Variants in PCDHA7 observed in about 807,000 individuals in gnomAD.
PCDHA7 encodes protocadherin alpha 7.
PCDHA7 carries 37 observed loss-of-function variants against 57.2 expected under a neutral mutation model. The observed-to-expected ratio is 0.65, with a 90% CI of 0.50 to 0.85. PCDHA7 has a LOEUF of 0.85. PCDHA7 is among the 40% of genes least tolerant of loss of function. PCDHA7 has a pLI of 0.00. For synonymous variants in PCDHA7, 553 were observed against 558.8 expected (o/e 0.99, Z 0.15); for missense variants, 1,188 against 1,241.8 (o/e 0.96, Z 0.65).
intron 1 of PCDHA7, chr5:140,869,088 G>A (rs1581866971): frequency 6.3e-7 from 1 of 1,587,910 alleles, no homozygotes; most frequent in Non-Finnish European, 8.6e-7. Context: ...TATTTTGGAA[G>A]CCAATTTCGT....
chr5:140,892,332 T>C (rs552266223), intron 1 of PCDHA7, among the ~76,000 whole-genome samples: 41 of 152,392 alleles, frequency 2.7e-4, no homozygotes, highest in African/African-American at 9.9e-4. Flanking sequence ...TTCTCCAGAA[T>C]GGATTTTAAT....
chr5:140,912,794 C>T (rs1554195532), intron 1 of PCDHA7, among the ~76,000 whole-genome samples: 1 of 151,998 alleles, frequency 6.6e-6, no homozygotes, highest in South Asian at 2.1e-4. Context: ...TGCCAATTTT[C>T]TTGAGGGTTT....
chr5:140,918,989 GTGT>G (rs2078966617), intron 1 of PCDHA7, among the ~76,000 whole-genome samples: 1 of 152,178 alleles, frequency 6.6e-6, no homozygotes, highest in Non-Finnish European at 1.5e-5. Context: ...TTGGTTTTTA[GTGT>G]TGTTCACATC....
At chr5:140,912,824 A>T (rs1391588183) in intron 1 of PCDHA7, among the ~76,000 whole-genome samples, 3 of 152,170 alleles carry the variant, frequency 2.0e-5, no homozygotes, top group Non-Finnish European at 4.4e-5. Flanking sequence ...AGGGATTTTG[A>T]ATTTTATTAA....
At chr5:140,952,794 G>T (rs2094798904) in intron 1 of PCDHA7, among the ~76,000 whole-genome samples, 1 of 152,140 alleles carries the variant, frequency 6.6e-6, no homozygotes, top group Admixed American at 6.5e-5. Context: ...GGTTTAACTG[G>T]CTCGCAGTTC....
At chr5:140,851,681 T>C (rs1405649457) in intron 1 of PCDHA7, 22 of 923,332 alleles carry the variant, frequency 2.4e-5, no homozygotes, top group Non-Finnish European at 2.8e-5. Flanking sequence ...ATTTTCTCCA[T>C]TCAGTGATAA....
chr5:140,929,234 G>A (rs781843995), intron 1 of PCDHA7: 1 of 1,613,838 alleles, frequency 6.2e-7, no homozygotes, highest in Non-Finnish European at 8.5e-7. Flanking sequence ...GCCGACCTGC[G>A]AAATCTTGCC....
chr5:141,000,948 G>C (rs1032144041), intron 3 of PCDHA7, among the ~76,000 whole-genome samples: 3 of 151,774 alleles, frequency 2.0e-5, no homozygotes, highest in Non-Finnish European at 1.5e-5. Flanking sequence ...AAATTATCTT[G>C]CTGTAATTTA....
At chr5:140,852,040 G>A (rs2150280605) in intron 1 of PCDHA7, 1 of 922,330 alleles carries the variant, frequency 1.1e-6, no homozygotes, top group Admixed American at 6.3e-5. Flanking sequence ...TTGAGTTTTT[G>A]TTATGTGGTT....
chr5:140,862,610 G>A (rs2047447715), intron 1 of PCDHA7: 4 of 520,926 alleles, frequency 7.7e-6, no homozygotes, highest in Non-Finnish European at 1.6e-5. Flanking sequence ...TTCGTGAAAG[G>A]TAACAACCCG....
At chr5:140,875,242 T>A in intron 1 of PCDHA7, 1 of 943,028 alleles carries the variant, frequency 1.1e-6, no homozygotes, top group Non-Finnish European at 1.5e-6. Flanking sequence ...TGTACTTACA[T>A]AATCAGTCAC....
chr5:140,888,789 G>A (rs536846098), intron 1 of PCDHA7, among the ~76,000 whole-genome samples: 1 of 152,066 alleles, frequency 6.6e-6, no homozygotes, highest in Admixed American at 6.5e-5. Flanking sequence ...AGCCTGATCT[G>A]GGGAGGTTGA....
At chr5:140,890,923 C>T (rs535912661) in intron 1 of PCDHA7, among the ~76,000 whole-genome samples, 1 of 152,202 alleles carries the variant, frequency 6.6e-6, no homozygotes, top group East Asian at 1.9e-4. Context: ...TTGAGAGTTT[C>T]CTTTAGTCCA....
chr5:140,880,066 C>T (rs1582502313), intron 1 of PCDHA7, among the ~76,000 whole-genome samples: 1 of 152,176 alleles, frequency 6.6e-6, no homozygotes, highest in East Asian at 1.9e-4. Flanking sequence ...TTTTTGGGGA[C>T]CACAATTCAA....
chr5:140,916,687 T>G (rs265312), intron 1 of PCDHA7, among the ~76,000 whole-genome samples: 87,944 of 152,010 alleles, frequency 0.58, 26,395 homozygotes, highest in African/African-American at 0.75. Flanking sequence ...TTTACTCTTT[T>G]CTCTCCTCTC....
At chr5:140,975,552 G>A (rs1416724640) in intron 1 of PCDHA7, among the ~76,000 whole-genome samples, 1 of 152,200 alleles carries the variant, frequency 6.6e-6, no homozygotes, top group Non-Finnish European at 1.5e-5. Flanking sequence ...CTATTAGGAA[G>A]GAAAAGGAGA....
chr5:140,996,262 C>G (rs943119390), intron 3 of PCDHA7, among the ~76,000 whole-genome samples: 1 of 152,182 alleles, frequency 6.6e-6, no homozygotes. Flanking sequence ...CAACACAGAG[C>G]CTGGGATTGC....
chr5:140,887,238 C>A (rs1191260946), intron 1 of PCDHA7, among the ~76,000 whole-genome samples: 3 of 151,738 alleles, frequency 2.0e-5, no homozygotes, highest in African/African-American at 4.8e-5. Flanking sequence ...CTGAGACTAC[C>A]GGCGCCCGCC....
chr5:140,988,418 G>T (rs1372180292), intron 3 of PCDHA7, among the ~76,000 whole-genome samples: 2 of 152,150 alleles, frequency 1.3e-5, no homozygotes, highest in Non-Finnish European at 2.9e-5. Context: ...CTTATGTAAA[G>T]AATTTGTTTG....
Sources: allele counts gnomAD v4.1 joint callset (sites outside exome capture counted in the v4.1 genomes callset), GRCh38; gene constraint gnomAD v4.1.1; transcripts MANE v1.5; gene names NCBI Gene and HGNC (gene_info 2026-07-23, HGNC 2026-07-21).